LINGO2: variants seen among roughly 807,000 people sequenced by gnomAD.
The protein encoded by LINGO2 is leucine rich repeat and Ig domain containing 2.
A neutral mutation model predicts 30.6 loss-of-function variants in LINGO2; 14 were observed. That is an observed-to-expected ratio of 0.46 (90% CI 0.30 to 0.72). The LOEUF (loss-of-function observed/expected upper bound fraction) is 0.72, where lower values mean the gene tolerates loss of function less well. Among genes scored for constraint, LINGO2 ranks in the 30% least tolerant of loss-of-function variants. LINGO2 has a pLI of 0.07. For synonymous variants in LINGO2, 317 were observed against 288.5 expected, an observed-to-expected ratio of 1.10 and a Z score of -1.00; for missense variants, 729 against 751.7, an observed-to-expected ratio of 0.97 and a Z score of 0.35.
chr9:28,200,606 C>T (rs901912437), intron 4 of LINGO2, among the ~76,000 whole-genome samples: 6 of 152,048 alleles, frequency 3.9e-5, no homozygotes, highest in East Asian at 1.9e-4. Flanking sequence ...AGGTATGACT[C>T]TCATTATGGA....
the LINGO2 span, among the ~76,000 whole-genome samples, chr9:28,756,684 T>G: frequency 1.6e-4 from 24 of 152,010 alleles, no homozygotes; most frequent in South Asian, 3.9e-3. Flanking sequence ...GCTGTTCTAG[T>G]GATAGTGAGT....
chr9:28,136,529 C>G (rs1375312435), intron 4 of LINGO2, among the ~76,000 whole-genome samples: 2 of 152,210 alleles, frequency 1.3e-5, no homozygotes, highest in African/African-American at 2.4e-5. Flanking sequence ...GGTCACTTTT[C>G]TGTTTTCCCA....
At chr9:28,131,999 T>C (rs763272023) in intron 4 of LINGO2, among the ~76,000 whole-genome samples, 2 of 152,208 alleles carry the variant, frequency 1.3e-5, no homozygotes, top group Non-Finnish European at 2.9e-5. Context: ...TCTACCACTC[T>C]CCAGCTATGC....
chr9:28,228,749 T>A (rs1291279852), intron 4 of LINGO2, among the ~76,000 whole-genome samples: 1 of 151,650 alleles, frequency 6.6e-6, no homozygotes, highest in Non-Finnish European at 1.5e-5. Context: ...ACTAAATGGG[T>A]CAAAATTATT....
chr9:28,984,814 T>C, the LINGO2 span, among the ~76,000 whole-genome samples: 17 of 152,142 alleles, frequency 1.1e-4, no homozygotes, highest in Non-Finnish European at 1.5e-4. Context: ...GTGGAATAAT[T>C]AAATCTAACT....
At chr9:29,174,537 G>GA in the LINGO2 span, among the ~76,000 whole-genome samples, 102 of 152,176 alleles carry the variant, frequency 6.7e-4, no homozygotes, top group African/African-American at 2.3e-3. Context: ...TTCAATTGAA[G>GA]ACTTTCAACT....
chr9:28,108,484 G>A (rs1397442685), intron 4 of LINGO2, among the ~76,000 whole-genome samples: 2 of 152,054 alleles, frequency 1.3e-5, no homozygotes, highest in Admixed American at 6.6e-5. Context: ...TCACTCCATG[G>A]CACCTTCATC....
chr9:27,991,415 G>A (rs1930012), intron 5 of LINGO2, among the ~76,000 whole-genome samples: 5,742 of 152,060 alleles, frequency 0.038, 343 homozygotes, highest in African/African-American at 0.13. Context: ...ATAAGCCCTG[G>A]CAATCTGTGT....
intron 2 of LINGO2, among the ~76,000 whole-genome samples, chr9:28,399,685 C>T (rs2183828): frequency 0.31 from 46,491 of 151,894 alleles, 8,319 homozygotes; most frequent in Non-Finnish European, 0.38. Flanking sequence ...CTGTGATGAT[C>T]AGGGAAGGAT....
the LINGO2 span, among the ~76,000 whole-genome samples, chr9:28,991,782 G>A: frequency 1.3e-5 from 2 of 148,170 alleles, no homozygotes; most frequent in Admixed American, 6.8e-5. Context: ...ATAAGTGAAG[G>A]AGAAATAAAA....
At chr9:28,219,206 C>CT (rs1820874131) in intron 4 of LINGO2, among the ~76,000 whole-genome samples, 2 of 152,238 alleles carry the variant, frequency 1.3e-5, no homozygotes, top group South Asian at 2.1e-4. Context: ...TTGTGGATGT[C>CT]TTTTTGTGCC....
At chr9:28,154,719 A>G (rs1175148954) in intron 4 of LINGO2, among the ~76,000 whole-genome samples, 2 of 152,184 alleles carry the variant, frequency 1.3e-5, no homozygotes, top group Non-Finnish European at 2.9e-5. Flanking sequence ...TGGACTTTCA[A>G]TATGTGTTGC....
At chr9:28,746,935 A>C in the LINGO2 span, among the ~76,000 whole-genome samples, 1 of 152,058 alleles carries the variant, frequency 6.6e-6, no homozygotes, top group Admixed American at 6.5e-5. Context: ...ATGAGGATAA[A>C]CTGAATGACT....
At chr9:27,990,283 G>C (rs1199250568) in intron 5 of LINGO2, among the ~76,000 whole-genome samples, 1 of 125,348 alleles carries the variant, frequency 8.0e-6, no homozygotes, top group Non-Finnish European at 1.7e-5. Flanking sequence ...ATGTAGCTTT[G>C]CCACTAGTTT....
chr9:28,799,074 T>C, the LINGO2 span, among the ~76,000 whole-genome samples: 2 of 152,060 alleles, frequency 1.3e-5, no homozygotes, highest in Non-Finnish European at 2.9e-5. Context: ...GTTTGTATAA[T>C]TTTATGGAGA....
the LINGO2 span, among the ~76,000 whole-genome samples, chr9:28,934,700 T>C: frequency 1.0e-4 from 7 of 67,658 alleles, no homozygotes; most frequent in African/African-American, 3.3e-4. Context: ...GTTAAAACAA[T>C]AAAACAACGA....
intron 4 of LINGO2, among the ~76,000 whole-genome samples, chr9:28,013,837 T>A (rs919252638): frequency 6.6e-6 from 1 of 152,096 alleles, no homozygotes; most frequent in Non-Finnish European, 1.5e-5. Context: ...AATTGGAAGA[T>A]GATAGGGTTT....
chr9:28,579,300 T>C (rs537928277), intron 1 of LINGO2, among the ~76,000 whole-genome samples: 30 of 152,182 alleles, frequency 2.0e-4, no homozygotes, highest in Admixed American at 5.2e-4. Flanking sequence ...ATATATTTTA[T>C]AGGAATGGTT....
intron 4 of LINGO2, among the ~76,000 whole-genome samples, chr9:28,101,040 A>T (rs1826400064): frequency 6.6e-6 from 1 of 151,878 alleles, no homozygotes; most frequent in Non-Finnish European, 1.5e-5. Context: ...CTAAAATTAC[A>T]CATTTTTTTT....
Sources: gnomAD v4.1 joint callset for allele counts (sites outside exome capture counted in the v4.1 genomes callset) on GRCh38, gnomAD v4.1.1 for gene constraint, MANE v1.5 for transcripts, NCBI Gene and HGNC (gene_info 2026-07-23, HGNC 2026-07-21) for gene names.